Variants in AGBL1 observed in about 807,000 individuals in gnomAD.
The protein encoded by AGBL1 is cytosolic carboxypeptidase 4.
In AGBL1, 130 loss-of-function variants were observed where a neutral mutation model predicts 118.9. That is an observed-to-expected ratio of 1.09 (90% CI 0.95 to 1.26). AGBL1 has a LOEUF of 1.26. AGBL1 is among the 50% of genes most tolerant of loss of function. The pLI is 0.00. For missense variants in AGBL1, 1,584 were observed against 1,298.1 expected (o/e 1.22, Z -3.38); for synonymous variants, 555 against 478.9 (o/e 1.16, Z -2.08).
In AGBL1 at chr15:86,470,353, G is replaced by A. The variant is rs1358125985; in HGVS notation, c.2556-52457G>A. Among the ~76,000 whole-genome samples, 4 of 152,060 alleles carry A rather than the reference G, an allele frequency of 2.6e-5. No individual in the cohort carries two copies. The East Asian group carries it at 7.7e-4, about 29-fold the overall frequency. On this transcript the variant is annotated intron_variant, in intron 18 of 22. Transcript: ENST00000614907. ...GTCCTTCCACCATTGTCTGTCCTTG[G>A]CACTGTTGTTGATCAGTTGATTGTA...
chr15:86,856,447 G>C (rs2079481634), intron 22 of AGBL1, among the ~76,000 whole-genome samples: 1 of 152,230 alleles, frequency 6.6e-6, no homozygotes, highest in Admixed American at 6.5e-5. Context: ...CTAAGACTAA[G>C]CTAGCAAAGA....
chr15:86,796,583 A>G (rs1016569760), intron 22 of AGBL1, among the ~76,000 whole-genome samples: 3 of 152,242 alleles, frequency 2.0e-5, no homozygotes, highest in South Asian at 2.1e-4. Context: ...ATTCTTGCTC[A>G]TACCAGTTAG....
chr15:86,579,450 A>G (rs1336922601), intron 21 of AGBL1, among the ~76,000 whole-genome samples: 1 of 152,242 alleles, frequency 6.6e-6, no homozygotes. Flanking sequence ...TAAAATTATC[A>G]TAGTGACTAA....
intron 23 of AGBL1, among the ~76,000 whole-genome samples, chr15:86,929,549 A>T (rs1021288494): frequency 6.6e-6 from 1 of 152,110 alleles, no homozygotes; most frequent in Non-Finnish European, 1.5e-5. Context: ...TCCAAGTAAT[A>T]CTAATGCTCT....
At chr15:86,696,102 T>A (rs2086252735) in intron 22 of AGBL1, among the ~76,000 whole-genome samples, 1 of 152,056 alleles carries the variant, frequency 6.6e-6, no homozygotes, top group Admixed American at 6.6e-5. Context: ...CAGGTTCATT[T>A]GTTTTAGGGT....
At chr15:86,592,086 C>T (rs141487222) in intron 21 of AGBL1, among the ~76,000 whole-genome samples, 3 of 152,144 alleles carry the variant, frequency 2.0e-5, no homozygotes, top group Admixed American at 1.3e-4. Flanking sequence ...TAGTGTTGGT[C>T]ATCCCAATAT....
chr15:87,015,359 TCTG>T (rs1429345664), intron 24 of AGBL1, among the ~76,000 whole-genome samples: 1 of 152,106 alleles, frequency 6.6e-6, no homozygotes, highest in Non-Finnish European at 1.5e-5. Context: ...TGCCTGTCTG[TCTG>T]TCTATCTATC....
chr15:86,117,080 T>G (rs990143074), intron 1 of AGBL1, among the ~76,000 whole-genome samples: 2 of 152,092 alleles, frequency 1.3e-5, no homozygotes, highest in Admixed American at 6.6e-5. Context: ...TAGATTTGGC[T>G]ATGGCTCATG....
At chr15:86,195,461 T>C (rs1200405302) in intron 5 of AGBL1, among the ~76,000 whole-genome samples, 1 of 152,196 alleles carries the variant, frequency 6.6e-6, no homozygotes, top group Non-Finnish European at 1.5e-5. Flanking sequence ...GTTAACATTA[T>C]TTTGTTAATC....
At chr15:86,666,075 G>T (rs1470495939) in intron 21 of AGBL1, among the ~76,000 whole-genome samples, 1 of 152,042 alleles carries the variant, frequency 6.6e-6, no homozygotes, top group African/African-American at 2.4e-5. Flanking sequence ...TTCCAGAGGG[G>T]AATTTGTTTT....
At chr15:86,421,291 G>T (rs1208549811) in intron 18 of AGBL1, among the ~76,000 whole-genome samples, 2 of 152,152 alleles carry the variant, frequency 1.3e-5, no homozygotes, top group Non-Finnish European at 2.9e-5. Flanking sequence ...AGCCAGAAGA[G>T]AGTGGGGCCA....
chr15:86,478,836 T>G (rs906468612), intron 18 of AGBL1, among the ~76,000 whole-genome samples: 1 of 152,140 alleles, frequency 6.6e-6, no homozygotes, highest in South Asian at 2.1e-4. Flanking sequence ...CAAACTCTAC[T>G]ACAAGGCTAC....
At chr15:86,711,232 C>T (rs1240206629) in intron 22 of AGBL1, among the ~76,000 whole-genome samples, 1 of 152,168 alleles carries the variant, frequency 6.6e-6, no homozygotes, top group African/African-American at 2.4e-5. Context: ...CTGTAAAACC[C>T]AGCTTAGTTC....
intron 18 of AGBL1, among the ~76,000 whole-genome samples, chr15:86,418,596 C>A (rs1173171126): frequency 6.6e-6 from 1 of 151,920 alleles, no homozygotes; most frequent in Non-Finnish European, 1.5e-5. Flanking sequence ...TCTCTTTTTT[C>A]AAAAATGGAG....
rs374208336 is a variant in AGBL1 at position 86,557,763 on chromosome 15, T to A, written c.2994+3226T>A. Among the ~76,000 whole-genome samples the A allele has an allele frequency of 2.0e-4, 30 of 152,228 alleles. No individual in the cohort carries two copies. The East Asian group carries it at 5.0e-3, about 26-fold the overall frequency. On this transcript the variant is annotated intron_variant, in intron 21 of 22. Coordinates refer to ENST00000614907, the MANE Select transcript of AGBL1 (RefSeq NM_001386094.1). ...TCTTTCTTTTTTTTATACTCAATGC[T>A]TAGTATAGTATAAAGTAGGTATTAA... is the stretch of plus-strand genomic sequence containing the variant.
chr15:86,658,978 C>A (rs746168394), intron 21 of AGBL1, among the ~76,000 whole-genome samples: 1 of 152,160 alleles, frequency 6.6e-6, no homozygotes, highest in Non-Finnish European at 1.5e-5. Context: ...TTACGCAGAA[C>A]ATGTGTTGGC....
intron 1 of AGBL1, among the ~76,000 whole-genome samples, chr15:86,113,618 G>A (rs190883365): frequency 3.3e-5 from 5 of 152,086 alleles, no homozygotes; most frequent in South Asian, 4.2e-4. Flanking sequence ...CCTTTCAGTC[G>A]AGCTATTTGA....
intron 21 of AGBL1, among the ~76,000 whole-genome samples, chr15:86,662,854 T>TCCACC (rs2085569749): frequency 6.6e-6 from 1 of 152,210 alleles, no homozygotes; most frequent in Non-Finnish European, 1.5e-5. Context: ...AGTGAAGATA[T>TCCACC]GCCTAGTGGA....
At chr15:86,320,483 A>T (rs191167082) in intron 17 of AGBL1, among the ~76,000 whole-genome samples, 15 of 152,232 alleles carry the variant, frequency 9.9e-5, no homozygotes, top group African/African-American at 3.4e-4. Flanking sequence ...ATATACTTTT[A>T]AAATTTAAAT....
Sources: gnomAD v4.1 joint callset for allele counts (sites outside exome capture counted in the v4.1 genomes callset) on GRCh38, gnomAD v4.1.1 for gene constraint, MANE v1.5 for transcripts, NCBI Gene and HGNC (gene_info 2026-07-23, HGNC 2026-07-21) for gene names.